The following RBFOX2 variants were observed in gnomAD, a reference collection of about 807,000 sequenced individuals.
The protein encoded by RBFOX2 is RNA binding fox-1 homolog 2, also known as RNA binding protein fox-1 homolog 2.
In RBFOX2, 10 loss-of-function variants were observed where a neutral mutation model predicts 49.1. The ratio of observed to expected loss-of-function variants is 0.20; its 90% CI spans 0.13 to 0.35. RBFOX2 has a LOEUF of 0.35. RBFOX2 is among the 10% of genes least tolerant of loss of function. The pLI is 1.00. For synonymous variants in RBFOX2, 183 were observed against 187.4 expected (o/e 0.98, Z 0.19); for missense variants, 323 against 486.9 (o/e 0.66, Z 3.17).
exon 12 of RBFOX2, chr22:35,742,756 C>T (rs1930572966): frequency 6.6e-6 from 1 of 152,432 alleles, no homozygotes; most frequent in African/African-American, 2.4e-5. Context: ...ACGGCAGTGA[C>T]TCACTGCGCG....
At chr22:35,806,108 G>A (rs1243937173) in intron 2 of RBFOX2, among the ~76,000 whole-genome samples, 1 of 152,140 alleles carries the variant, frequency 6.6e-6, no homozygotes, top group Non-Finnish European at 1.5e-5. Context: ...ACCAGTAAGA[G>A]TAAACTCTAA....
At chr22:35,788,436 T>C (rs1226990008) in intron 2 of RBFOX2, among the ~76,000 whole-genome samples, 1 of 152,214 alleles carries the variant, frequency 6.6e-6, no homozygotes, top group African/African-American at 2.4e-5. Context: ...TATTTTCATC[T>C]CTTTGAGGCT....
At chr22:35,939,801 T>C (rs963501080), upstream of RBFOX2, among the ~76,000 whole-genome samples, 1 of 152,100 alleles carries the variant, frequency 6.6e-6, no homozygotes, top group Non-Finnish European at 1.5e-5. Flanking sequence ...AGTTAATATA[T>C]ACTAATATTA....
chr22:35,913,631 A>T (rs750982252), intron 1 of RBFOX2, among the ~76,000 whole-genome samples: 1 of 151,584 alleles, frequency 6.6e-6, no homozygotes, highest in African/African-American at 2.4e-5. Context: ...AATTTCTATG[A>T]TATCTATAAA....
rs35854576 is a variant in RBFOX2, at chr22:35,869,469, C to CAAAAAA, written c.-33-59471_-33-59466dup. ...CCACCACACCCAGCCAACGGCTGAC[C>CAAAAAA]AAAAAAAAAAAAAAAAAAAAAAAAA... On this transcript the variant is annotated intron_variant, in intron 1 of 13. Transcript: ENST00000359369. Among the ~76,000 whole-genome samples the CAAAAAA allele has an allele frequency of 4.9e-4, 15 of 30,570 alleles. 3 individuals are homozygous for CAAAAAA. The highest frequency in any genetic ancestry group is 7.2e-4 in the Non-Finnish European group (11 of 15,374). The allele number at this position is 30,570 out of a possible 152,430, so 20.1% of individuals were successfully genotyped here.
At chr22:35,994,078 A>G (rs2058085493) in intron 1 of RBFOX2, 1 of 152,200 alleles carries the variant, frequency 6.6e-6, no homozygotes, top group Non-Finnish European at 1.5e-5. Flanking sequence ...GTATTGTAGT[A>G]ACTTCCCCTT....
intron 2 of RBFOX2, among the ~76,000 whole-genome samples, chr22:35,806,963 C>T (rs1236904385): frequency 3.9e-5 from 6 of 152,106 alleles, no homozygotes; most frequent in Non-Finnish European, 5.9e-5. Context: ...ACCACCACGC[C>T]CGGCTAATTT....
chr22:35,810,027 G>A (rs1485559252), intron 1 of RBFOX2, 23 bp from the exon 3 acceptor site: 8 of 1,605,788 alleles, frequency 5.0e-6, no homozygotes, highest in Admixed American at 3.4e-5. Flanking sequence ...ACAAGAGAAA[G>A]AAAAAGTGAC....
intron 1 of RBFOX2, among the ~76,000 whole-genome samples, chr22:36,004,387 C>CT (rs962567680): frequency 9.9e-5 from 15 of 152,204 alleles, no homozygotes; most frequent in African/African-American, 3.4e-4. Flanking sequence ...TCCTGCTGTC[C>CT]TTTGTTTTCT....
chr22:35,877,960 CA>C (rs1288238536), intron 1 of RBFOX2, among the ~76,000 whole-genome samples: 1 of 151,154 alleles, frequency 6.6e-6, no homozygotes, highest in Admixed American at 6.6e-5. Flanking sequence ...ATACACCAGA[CA>C]AAAAACTCTA....
At chr22:35,828,167 A>G (rs2148611483) in intron 1 of RBFOX2, among the ~76,000 whole-genome samples, 1 of 151,944 alleles carries the variant, frequency 6.6e-6, no homozygotes, top group East Asian at 1.9e-4. Flanking sequence ...TCTCAAAAAA[A>G]AAAAAAAAAA....
intron 1 of RBFOX2, among the ~76,000 whole-genome samples, chr22:35,918,861 C>T (rs2050715872): frequency 1.3e-5 from 2 of 152,114 alleles, no homozygotes; most frequent in South Asian, 4.2e-4. Flanking sequence ...CTCAAGAAAG[C>T]CTGATAGCCT....
intron 1 of RBFOX2, among the ~76,000 whole-genome samples, chr22:35,816,255 T>G (rs1953022026): frequency 6.6e-6 from 1 of 152,068 alleles, no homozygotes; most frequent in Non-Finnish European, 1.5e-5. Flanking sequence ...ATATTCTCGT[T>G]TTTTGTTTTG....
chr22:35,798,013 T>C (rs962965770), intron 2 of RBFOX2, among the ~76,000 whole-genome samples: 5 of 152,216 alleles, frequency 3.3e-5, no homozygotes, highest in Admixed American at 3.3e-4. Flanking sequence ...TTCCCTCTTG[T>C]TGCCCAGGCT....
intron 1 of RBFOX2, among the ~76,000 whole-genome samples, chr22:35,846,608 A>T (rs1265579503): frequency 6.6e-6 from 1 of 151,314 alleles, no homozygotes; most frequent in Non-Finnish European, 1.5e-5. Context: ...AAAAAAAATT[A>T]GCTGGGTGTG....
Position 35,744,261 on chromosome 22 carries a change from A to T in RBFOX2, c.1050-12T>A. On this transcript the variant is annotated splice_polypyrimidine_tract_variant and intron_variant, in intron 11 of 11. Coordinates refer to ENST00000405409, the Ensembl canonical transcript of RBFOX2. ...CGGTATAAACTCGCCTGCAGTAATT[A>T]AAGAGATAAAAATAATTAAAAGGTT... is the stretch of plus-strand genomic sequence containing the variant. The T allele has an allele frequency of 6.2e-7, 1 of 1,606,194 alleles. No homozygotes were observed. The highest frequency in any genetic ancestry group is 1.3e-5 in the African/African-American group (1 of 74,718).
intron 1 of RBFOX2, among the ~76,000 whole-genome samples, chr22:35,856,711 A>G (rs772838598): frequency 6.6e-6 from 1 of 151,898 alleles, no homozygotes; most frequent in Non-Finnish European, 1.5e-5. Flanking sequence ...AGGAAGATAT[A>G]TATGCAGGCA....
chr22:35,755,385 T>C (rs1282362471), intron 9 of RBFOX2, among the ~76,000 whole-genome samples: 1 of 152,212 alleles, frequency 6.6e-6, no homozygotes, highest in Non-Finnish European at 1.5e-5. Context: ...GCTAGACAGT[T>C]TAAATAATGG....
In RBFOX2 at chr22:35,778,098, AACGTTT is replaced by A. The variant is rs1569057246; in HGVS notation, c.400-26_400-21del. ...AAACTGCTGCAGAGATAAAAATAAA[AACGTTT>A]ACTTATGGTCAGGTTTTTATCCACA... On this transcript the variant is annotated intron_variant, in intron 3 of 11. Transcript: ENST00000405409. The A allele has an allele frequency of 1.3e-6, 2 of 1,592,920 alleles. No homozygotes were observed. Among genetic ancestry groups the A allele is most frequent in the Non-Finnish European group, 1.7e-6 (2 of 1,164,850 alleles).
Sources: allele counts gnomAD v4.1 joint callset (sites outside exome capture counted in the v4.1 genomes callset), GRCh38; gene constraint gnomAD v4.1.1; transcripts MANE v1.5; gene names NCBI Gene and HGNC (gene_info 2026-07-23, HGNC 2026-07-21).